Variants in CLTCL1 observed in about 807,000 individuals in gnomAD.
The protein encoded by CLTCL1 is clathrin heavy chain like 1.
In CLTCL1, 159 loss-of-function variants were observed where a neutral mutation model predicts 190.0. The ratio of observed to expected loss-of-function variants is 0.84; its 90% CI spans 0.74 to 0.95. The LOEUF (loss-of-function observed/expected upper bound fraction) is 0.95. Ranked by LOEUF, CLTCL1 falls within the 40% of genes least tolerant of loss-of-function variation. CLTCL1 has a pLI of 0.00. For synonymous variants in CLTCL1, 752 were observed against 769.6 expected (o/e 0.98, Z 0.38); for missense variants, 1,878 against 2,033.4 (o/e 0.92, Z 1.47).
intron 29 of CLTCL1, among the ~76,000 whole-genome samples, chr22:19,186,226 A>G (rs2146209921): frequency 6.6e-6 from 1 of 152,260 alleles, no homozygotes; most frequent in East Asian, 1.9e-4. Flanking sequence ...TCCGTAAGTA[A>G]CACCCTCAGG....
At chr22:19,252,993 G>A (rs2086642610) in intron 3 of CLTCL1, among the ~76,000 whole-genome samples, 2 of 137,928 alleles carry the variant, frequency 1.5e-5, no homozygotes. Flanking sequence ...CAGCTTGGGT[G>A]ACAGAGTAAG....
intron 3 of CLTCL1, among the ~76,000 whole-genome samples, chr22:19,252,987 T>A (rs1034672967): frequency 2.7e-5 from 4 of 147,344 alleles, no homozygotes; most frequent in African/African-American, 1.0e-4. Context: ...GCACTCCAGC[T>A]TGGGTGACAG....
At position 19,191,190 on chromosome 22, in the gene CLTCL1, C is replaced by T. The variant is rs190610566; in HGVS notation, c.4323+114G>A. 598 of 1,294,242 alleles carry T rather than the reference C, an allele frequency of 4.6e-4. 1 individual carries two copies. Among genetic ancestry groups the T allele is most frequent in the Middle Eastern group, 2.6e-3 (13 of 5,038 alleles). 80.2% of individuals were successfully genotyped at this position (1,294,242 alleles called of 1,614,324 possible). On this transcript the variant is annotated intron_variant, in intron 27 of 32. Coordinates refer to ENST00000427926, the MANE Select transcript of CLTCL1 (RefSeq NM_007098.4). ...AAAACACTTTGATACACTGGTGAAT[C>T]TTCAAGTCAGCTGGGGGTCATTTCA...
chr22:19,202,289 C>G (rs2146328606), intron 22 of CLTCL1, among the ~76,000 whole-genome samples: 1 of 152,152 alleles, frequency 6.6e-6, no homozygotes, highest in African/African-American at 2.4e-5. Flanking sequence ...GACAGCAGAA[C>G]CCCAAAGTGC....
At chr22:19,258,186 G>A in intron 2 of CLTCL1, 1 of 345,074 alleles carries the variant, frequency 2.9e-6, no homozygotes, top group Non-Finnish European at 5.7e-6. Flanking sequence ...GGAGTAAAAG[G>A]CCTACAAGCC....
At position 19,180,737 on chromosome 22, in the gene CLTCL1, C is replaced by T. The variant is rs1451933219; in HGVS notation, c.4897G>A (p.Val1633Met). The T allele has an allele frequency of 3.7e-5, 59 of 1,613,594 alleles. No individual in the cohort carries two copies. The East Asian group carries it at 4.2e-4, about 12-fold the overall frequency. Residue 1633 changes from valine to methionine, a missense_variant, in exon 31 of 33, where the codon GTG becomes ATG. Transcript: ENST00000427926. Reference protein sequence around the residue: ...EEHVTEPAPLVFDFDGHE With the variant: ...EEHVTEPAPLMFDFDGHE The stretch of plus-strand genomic sequence containing the variant: ...GGCTACAGGTGCCACCTACCAAACA[C>T]GAGAGGGGCAGGCTCTGTCACATGC...
chr22:19,257,729 G>C lies in CLTCL1; in HGVS notation c.251-3502C>G. 9.9e-6 allele frequency: 12 copies of C among 1,215,406 alleles called. No homozygotes were observed. The South Asian group carries it at 1.4e-4, about 14-fold the overall frequency. 75.3% of individuals were successfully genotyped at this position (1,215,406 alleles called of 1,614,324 possible). On this transcript the variant is annotated intron_variant, in intron 2 of 32. Coordinates refer to ENST00000427926, the MANE Select transcript of CLTCL1 (RefSeq NM_007098.4). ...GGGCCCTGGCCACTGGGATGGCCAG[G>C]GGTCTGGCAGGAATAGGGGGCATCT...
intron 1 of CLTCL1, among the ~76,000 whole-genome samples, 157 bp from the exon 2 acceptor site, chr22:19,275,987 T>C (rs1451019633): frequency 1.3e-5 from 2 of 149,762 alleles, no homozygotes; most frequent in Non-Finnish European, 3.0e-5. Flanking sequence ...ACGCCTGTAA[T>C]AGATCCACCC....
intron 20 of CLTCL1, among the ~76,000 whole-genome samples, chr22:19,209,593 A>T (rs1242760393): frequency 2.0e-5 from 3 of 152,188 alleles, no homozygotes; most frequent in African/African-American, 7.2e-5. Flanking sequence ...GCTGCCCCCT[A>T]ATATGATGAG....
chr22:19,219,798 A>G, intron 18 of CLTCL1, 87 bp downstream of exon 18: 22 of 1,587,800 alleles, frequency 1.4e-5, no homozygotes, highest in Non-Finnish European at 1.8e-5. Flanking sequence ...GATGTTTTAA[A>G]TTAAAAATGA....
At chr22:19,258,255 A>G (rs1437467075) in intron 2 of CLTCL1, 7 of 347,948 alleles carry the variant, frequency 2.0e-5, no homozygotes, top group Non-Finnish European at 3.9e-5. Flanking sequence ...GGACCTTGGC[A>G]AGATCATGGC....
intron 5 of CLTCL1, chr22:19,238,627 G>A: frequency 9.9e-6 from 2 of 202,074 alleles, no homozygotes; most frequent in Non-Finnish European, 2.1e-5. Flanking sequence ...TCGAAGTCTG[G>A]CTAGGCACAT....
intron 4 of CLTCL1, among the ~76,000 whole-genome samples, chr22:19,240,322 A>C (rs577448931): frequency 5.3e-5 from 8 of 152,238 alleles, no homozygotes; most frequent in Admixed American, 2.0e-4. Flanking sequence ...AACAAAATCC[A>C]AAATGAAGGG....
Position 19,239,375 on chromosome 22 carries a change from T to C in CLTCL1, c.695A>G (p.Glu232Gly), listed in dbSNP as rs370775478. The C allele has an allele frequency of 1.2e-5, 19 of 1,613,640 alleles. No homozygotes were observed. Among genetic ancestry groups the C allele is most frequent in the Non-Finnish European group, 1.6e-5 (19 of 1,179,652 alleles). Residue 232 changes from glutamate to glycine, a missense_variant, in exon 5 of 33, where the codon GAA becomes GGA. Glu to Gly is a moderately conservative substitution (Grantham distance 98, BLOSUM62 -2). Coordinates refer to ENST00000427926, the MANE Select transcript of CLTCL1 (RefSeq NM_007098.4). ...NPTGGKLHII[E>G]VGQPAAGNQP... ...GTTTCCCGCTGCAGGCTGTCCAACT[T>C]CAATGATGTGCAACTAGAAGAGAGA...
At chr22:19,274,532 T>C (rs375475134) in intron 2 of CLTCL1, among the ~76,000 whole-genome samples, 8 of 152,274 alleles carry the variant, frequency 5.3e-5, no homozygotes, top group Middle Eastern at 3.4e-3. Flanking sequence ...GGGTTGGTAA[T>C]AGAACAAAGA....
intron 2 of CLTCL1, among the ~76,000 whole-genome samples, chr22:19,255,327 C>A (rs2086710882): frequency 6.6e-6 from 1 of 152,194 alleles, no homozygotes; most frequent in Admixed American, 6.5e-5. Context: ...CTTTGGGAGG[C>A]TGAGGCTGGT....
chr22:19,209,749 G>A (rs148962073), intron 20 of CLTCL1, among the ~76,000 whole-genome samples: 61 of 152,338 alleles, frequency 4.0e-4, no homozygotes, highest in Non-Finnish European at 7.6e-4. Context: ...GTTCAGGTGA[G>A]ATGTCCTGTG....
chr22:19,251,695 A>T (rs915903238), intron 3 of CLTCL1, among the ~76,000 whole-genome samples: 2 of 152,170 alleles, frequency 1.3e-5, no homozygotes, highest in Non-Finnish European at 2.9e-5. Context: ...TGACCTCGTG[A>T]TCCGCCCGCC....
chr22:19,253,578 C>G (rs1569226556), intron 3 of CLTCL1, among the ~76,000 whole-genome samples: 1 of 152,212 alleles, frequency 6.6e-6, no homozygotes, highest in Non-Finnish European at 1.5e-5. Flanking sequence ...CATCAGTAAC[C>G]TGAAGGAATG....
Sources: allele counts gnomAD v4.1 joint callset (sites outside exome capture counted in the v4.1 genomes callset), GRCh38; gene constraint gnomAD v4.1.1; transcripts MANE v1.5; gene names NCBI Gene and HGNC (gene_info 2026-07-23, HGNC 2026-07-21).